Variants in RELN observed in about 807,000 individuals in gnomAD.
RELN encodes reelin.
RELN carries 108 observed loss-of-function variants against 427.6 expected under a neutral mutation model. The ratio of observed to expected loss-of-function variants is 0.25; its 90% CI spans 0.22 to 0.30. RELN has a LOEUF of 0.30. Ranked by LOEUF, RELN falls within the 10% of genes least tolerant of loss-of-function variation. RELN has a pLI of 1.00. For synonymous variants in RELN, 1,524 were observed against 1,513.4 expected, an observed-to-expected ratio of 1.01 and a Z score of -0.16; for missense variants, 3,715 against 4,302.8, an observed-to-expected ratio of 0.86 and a Z score of 3.82.
At chr7:103,699,934 T>C (rs1378929994) in intron 9 of RELN, among the ~76,000 whole-genome samples, 1 of 152,020 alleles carries the variant, frequency 6.6e-6, no homozygotes, top group African/African-American at 2.4e-5. Flanking sequence ...ATTTGTGAAG[T>C]TTTTATTTTA....
intron 1 of RELN, among the ~76,000 whole-genome samples, chr7:103,960,855 T>C (rs971500652): frequency 1.3e-5 from 2 of 152,232 alleles, no homozygotes; most frequent in Admixed American, 6.5e-5. Context: ...AAAGCCAATG[T>C]AATCAATAAA....
At chr7:103,933,476 C>G (rs1418635146) in intron 1 of RELN, among the ~76,000 whole-genome samples, 1 of 114,084 alleles carries the variant, frequency 8.8e-6, no homozygotes, top group Non-Finnish European at 1.6e-5. Context: ...AGGAGTATCA[C>G]TTGAGCCCAG....
At chr7:103,802,819 T>C (rs1217455761) in intron 3 of RELN, among the ~76,000 whole-genome samples, 2 of 152,066 alleles carry the variant, frequency 1.3e-5, no homozygotes, top group South Asian at 2.1e-4. Context: ...AATGTAGATA[T>C]AAGAATTCCT....
chr7:103,579,415 A>T (rs1831076924), intron 28 of RELN, among the ~76,000 whole-genome samples: 1 of 152,098 alleles, frequency 6.6e-6, no homozygotes, highest in Admixed American at 6.6e-5. Flanking sequence ...CCTGGCCAAC[A>T]TGGTGAAACC....
intron 4 of RELN, among the ~76,000 whole-genome samples, chr7:103,763,166 G>T (rs938484028): frequency 2.6e-5 from 4 of 152,180 alleles, no homozygotes; most frequent in Non-Finnish European, 5.9e-5. Flanking sequence ...GTTTTGTTAG[G>T]CTACTCCTAG....
At chr7:103,564,457 G>T (rs565043409) in intron 34 of RELN, among the ~76,000 whole-genome samples, 44 of 152,324 alleles carry the variant, frequency 2.9e-4, no homozygotes, top group African/African-American at 9.9e-4. Context: ...ACACAGGGAG[G>T]AAGTGTTGTT....
chr7:103,925,937 C>T (rs1404580992), intron 1 of RELN, among the ~76,000 whole-genome samples: 1 of 151,860 alleles, frequency 6.6e-6, no homozygotes, highest in Non-Finnish European at 1.5e-5. Context: ...AGCTTTTATA[C>T]AATAAAAAAG....
intron 1 of RELN, among the ~76,000 whole-genome samples, chr7:103,920,587 T>G (rs1374420840): frequency 3.2e-5 from 2 of 61,602 alleles, no homozygotes; most frequent in Non-Finnish European, 7.2e-5. Flanking sequence ...TTGTTTTTTT[T>G]TTTTTTGAGA....
At chr7:103,777,272 T>TA (rs907954150) in intron 3 of RELN, among the ~76,000 whole-genome samples, 5 of 152,038 alleles carry the variant, frequency 3.3e-5, no homozygotes, top group African/African-American at 7.2e-5. Flanking sequence ...ATGGCTATAA[T>TA]AAAAAAAGTC....
At chr7:103,949,021 C>T (rs1338968582) in intron 1 of RELN, among the ~76,000 whole-genome samples, 1 of 71,734 alleles carries the variant, frequency 1.4e-5, no homozygotes, top group Non-Finnish European at 2.5e-5. Flanking sequence ...GACATTGTCT[C>T]CAAAAAAAAA....
intron 11 of RELN, among the ~76,000 whole-genome samples, chr7:103,662,357 C>T (rs1277775512): frequency 6.6e-6 from 1 of 152,150 alleles, no homozygotes; most frequent in East Asian, 1.9e-4. Flanking sequence ...CATGGTGGCT[C>T]ACACATGTAA....
At chr7:103,551,639 A>T (rs1194720084) in intron 40 of RELN, among the ~76,000 whole-genome samples, 1 of 152,054 alleles carries the variant, frequency 6.6e-6, no homozygotes, top group Non-Finnish European at 1.5e-5. Flanking sequence ...CTGTTTCCCT[A>T]ATCCTAACTG....
intron 60 of RELN, among the ~76,000 whole-genome samples, chr7:103,488,597 T>A (rs1261125702): frequency 6.6e-6 from 1 of 152,222 alleles, no homozygotes; most frequent in Non-Finnish European, 1.5e-5. Flanking sequence ...TCTAAATAGA[T>A]CCGACTCCAG....
intron 3 of RELN, among the ~76,000 whole-genome samples, chr7:103,815,885 T>G (rs1792857357): frequency 1.3e-5 from 2 of 152,276 alleles, no homozygotes; most frequent in South Asian, 4.1e-4. Flanking sequence ...ATTTCAAGGG[T>G]TTTTGATACT....
chr7:103,718,835 C>T (rs1790005513), intron 8 of RELN, among the ~76,000 whole-genome samples: 1 of 152,076 alleles, frequency 6.6e-6, no homozygotes, highest in Non-Finnish European at 1.5e-5. Flanking sequence ...TACCTTTATT[C>T]CTTGTTTGGC....
chr7:103,662,993 C>A (rs78890535), intron 11 of RELN, among the ~76,000 whole-genome samples: 2,100 of 151,598 alleles, frequency 0.014, 47 homozygotes, highest in African/African-American at 0.047. Context: ...TGTACCCAAA[C>A]TCTTTTGCCA....
At chr7:103,745,364 G>A (rs1317473454) in intron 6 of RELN, among the ~76,000 whole-genome samples, 1 of 151,962 alleles carries the variant, frequency 6.6e-6, no homozygotes, top group East Asian at 1.9e-4. Flanking sequence ...ACAAGACAGG[G>A]AAGCCCTCTC....
intron 28 of RELN, among the ~76,000 whole-genome samples, chr7:103,588,334 T>C (rs60945897): frequency 0.1 from 15,437 of 149,452 alleles, 871 homozygotes; most frequent in East Asian, 0.16. Flanking sequence ...ATCACATGTT[T>C]TTCATACATG....
intron 1 of RELN, among the ~76,000 whole-genome samples, chr7:103,944,381 A>G (rs1796178492): frequency 6.6e-6 from 1 of 152,144 alleles, no homozygotes; most frequent in Non-Finnish European, 1.5e-5. Flanking sequence ...CTTGGAAGAC[A>G]TACTGCCTTC....
Sources: gnomAD v4.1 joint callset for allele counts (sites outside exome capture counted in the v4.1 genomes callset) on GRCh38, gnomAD v4.1.1 for gene constraint, MANE v1.5 for transcripts, NCBI Gene and HGNC (gene_info 2026-07-23, HGNC 2026-07-21) for gene names.